The following THSD4 variants were observed in gnomAD, a reference collection of about 807,000 sequenced individuals.
THSD4 encodes the protein thrombospondin type-1 domain-containing protein 4.
Under a neutral mutation model 119.0 loss-of-function variants are expected in THSD4, and 69 were observed. The ratio of observed to expected loss-of-function variants is 0.58; its 90% CI spans 0.48 to 0.71. The LOEUF (loss-of-function observed/expected upper bound fraction) is 0.71. THSD4 is among the 30% of genes least tolerant of loss of function. The pLI is 0.00. For synonymous variants in THSD4, 524 were observed against 540.4 expected, an observed-to-expected ratio of 0.97 and a Z score of 0.42; for missense variants, 1,393 against 1,391.1, an observed-to-expected ratio of 1.00 and a Z score of -0.02.
chr15:71,373,645 C>T (rs922254667), intron 6 of THSD4, among the ~76,000 whole-genome samples: 2 of 152,154 alleles, frequency 1.3e-5, no homozygotes, highest in African/African-American at 2.4e-5. Flanking sequence ...TCAGGAAACT[C>T]GAGTTCTTGG....
At chr15:71,150,736 G>T (rs2040713335) in intron 2 of THSD4, among the ~76,000 whole-genome samples, 1 of 152,178 alleles carries the variant, frequency 6.6e-6, no homozygotes, top group Non-Finnish European at 1.5e-5. Context: ...GGGTAACATA[G>T]AAATTCAAAA....
intron 7 of THSD4, among the ~76,000 whole-genome samples, chr15:71,415,513 A>C (rs7182026): frequency 0.24 from 36,339 of 152,210 alleles, 4,784 homozygotes; most frequent in East Asian, 0.53. Context: ...CCATCCCCTC[A>C]AGCATTTATC....
At chr15:71,768,560 ATTTTTTTT>A (rs964263863) in intron 16 of THSD4, among the ~76,000 whole-genome samples, 8 of 99,280 alleles carry the variant, frequency 8.1e-5, no homozygotes, top group African/African-American at 2.2e-4. Flanking sequence ...GCAGATCCTG[ATTTTTTTT>A]TTTTTTTTTT....
At chr15:71,502,411 G>A (rs113283773) in intron 7 of THSD4, among the ~76,000 whole-genome samples, 41 of 152,170 alleles carry the variant, frequency 2.7e-4, no homozygotes, top group African/African-American at 9.9e-4. Context: ...TTTTATGGTA[G>A]AAAACAATTT....
At chr15:71,161,677 T>C (rs1423923631) in intron 3 of THSD4, among the ~76,000 whole-genome samples, 1 of 152,044 alleles carries the variant, frequency 6.6e-6, no homozygotes, top group African/African-American at 2.4e-5. Context: ...TAGTTGGATC[T>C]TGTTTTTTTT....
At chr15:71,759,228 A>G (rs2141197898) in intron 15 of THSD4, among the ~76,000 whole-genome samples, 1 of 152,332 alleles carries the variant, frequency 6.6e-6, no homozygotes, top group East Asian at 1.9e-4. Flanking sequence ...TTTCTATTCA[A>G]ATTCCCTTTA....
At chr15:71,263,521 G>A (rs2044428172) in intron 6 of THSD4, among the ~76,000 whole-genome samples, 1 of 152,056 alleles carries the variant, frequency 6.6e-6, no homozygotes, top group African/African-American at 2.4e-5. Context: ...AAATGGGATT[G>A]CTGGGCTGAA....
In THSD4 at chr15:71,612,288, C is replaced by T. The variant is rs575835914; in HGVS notation, c.1153-48242C>T. Among the ~76,000 whole-genome samples, 21 of 152,276 alleles carry T rather than the reference C, an allele frequency of 1.4e-4. 1 individual carries two copies. In the South Asian group the frequency reaches 1.5e-3, roughly 11 times the overall value. On this transcript the variant is annotated intron_variant, in intron 7 of 17. Transcript: ENST00000261862. ...TGTAATGAGGCTCTCTGAGGTCAGT[C>T]GGATGAGCTCACAATTTCAACAATC...
chr15:71,566,920 C>T lies in THSD4; in HGVS notation c.1153-93610C>T, dbSNP rs111612791. Among the ~76,000 whole-genome samples the T allele has an allele frequency of 1.2e-3, 177 of 151,716 alleles. 2 individuals carry two copies. Among genetic ancestry groups the T allele is most frequent in the African/African-American group, 3.9e-3 (161 of 41,326 alleles). ...ACTGTCATTTTTTTTTTTCCCTAAACACTTAAACTCACATAGGTGTGGAAG... is the reference window on the plus strand; with the variant it reads ...ACTGTCATTTTTTTTTTTCCCTAAATACTTAAACTCACATAGGTGTGGAAG... On this transcript the variant is annotated intron_variant, in intron 7 of 17. Transcript: ENST00000261862.
intron 6 of THSD4, among the ~76,000 whole-genome samples, chr15:71,314,806 C>G (rs72759698): frequency 6.6e-6 from 1 of 152,138 alleles, no homozygotes; most frequent in Non-Finnish European, 1.5e-5. Flanking sequence ...ATTTCTGCAA[C>G]AGACTCAAAG....
At chr15:71,482,664 C>G (rs2047751722) in intron 7 of THSD4, among the ~76,000 whole-genome samples, 1 of 151,822 alleles carries the variant, frequency 6.6e-6, no homozygotes, top group South Asian at 2.1e-4. Flanking sequence ...TGGCTCACTG[C>G]AACCTCCACC....
intron 7 of THSD4, among the ~76,000 whole-genome samples, chr15:71,645,288 A>G (rs2050946312): frequency 6.6e-6 from 1 of 152,212 alleles, no homozygotes; most frequent in Non-Finnish European, 1.5e-5. Flanking sequence ...AGGAGGCCTC[A>G]GGAAACTTAC....
At chr15:71,139,150 A>G (rs974741093) in intron 1 of THSD4, among the ~76,000 whole-genome samples, 6 of 152,130 alleles carry the variant, frequency 3.9e-5, no homozygotes, top group African/African-American at 1.2e-4. Flanking sequence ...AGTCCCATCT[A>G]CCTTGCTTAT....
chr15:71,642,833 GA>G (rs2140966557), intron 7 of THSD4, among the ~76,000 whole-genome samples: 1 of 152,174 alleles, frequency 6.6e-6, no homozygotes, highest in African/African-American at 2.4e-5. Context: ...ATAGCATTAA[GA>G]GATATACCTA....
rs371956679 is a variant in THSD4 at position 71,249,411 on chromosome 15, CAT to C, written c.912+6331_912+6332del. Among the ~76,000 whole-genome samples the C allele has an allele frequency of 3.4e-3, 399 of 118,052 alleles. 3 individuals are homozygous for C. Among genetic ancestry groups the C allele is most frequent in the South Asian group, 0.023 (80 of 3,476 alleles). The allele number at this position is 118,052 out of a possible 152,430, so 77.4% of individuals were successfully genotyped here. A position where few individuals can be genotyped will look rare whatever the true frequency, so the allele number is the denominator to read the frequency against. On this transcript the variant is annotated intron_variant, in intron 5 of 17. Coordinates refer to ENST00000261862, the MANE Select transcript of THSD4 (RefSeq NM_024817.3). ...TAGAAAGTTGTTCTCTTATTGACTTCATATATATATATATATACACACACATT... is the reference window on the plus strand; with the variant it reads ...TAGAAAGTTGTTCTCTTATTGACTTCATATATATATATATACACACACATT...
chr15:71,633,808 C>G (rs1038088956), intron 7 of THSD4, among the ~76,000 whole-genome samples: 1 of 152,146 alleles, frequency 6.6e-6, no homozygotes, highest in Non-Finnish European at 1.5e-5. Flanking sequence ...ACAGATAAGC[C>G]TGGTCTAGTC....
intron 1 of THSD4, among the ~76,000 whole-genome samples, chr15:71,101,017 A>G (rs927554505): frequency 6.6e-6 from 1 of 151,936 alleles, no homozygotes; most frequent in African/African-American, 2.4e-5. Flanking sequence ...GTAAAATAAA[A>G]AATAAAATAA....
chr15:71,729,969 G>GCC (rs2052942412), intron 9 of THSD4: 1 of 152,116 alleles, frequency 6.6e-6, no homozygotes, highest in African/African-American at 2.4e-5. Context: ...TGGTTCCTGG[G>GCC]TAGGAGAATC....
chr15:71,741,039 A>G (rs2053223622), intron 11 of THSD4, among the ~76,000 whole-genome samples: 1 of 152,200 alleles, frequency 6.6e-6, no homozygotes, highest in Admixed American at 6.5e-5. Context: ...ATAAGTGACT[A>G]TATCATCACC....
Sources: gnomAD v4.1 joint callset for allele counts (sites outside exome capture counted in the v4.1 genomes callset) on GRCh38, gnomAD v4.1.1 for gene constraint, MANE v1.5 for transcripts, NCBI Gene and HGNC (gene_info 2026-07-23, HGNC 2026-07-21) for gene names.